LXN: variants seen among roughly 807,000 people sequenced by gnomAD.
LXN encodes the protein latexin.
A neutral mutation model predicts 29.8 loss-of-function variants in LXN; 28 were observed. The observed-to-expected ratio is 0.94, with a 90% CI of 0.70 to 1.29. The LOEUF (loss-of-function observed/expected upper bound fraction) is 1.29, where lower values mean the gene tolerates loss of function less well. LXN is among the 50% of genes most tolerant of loss of function. The pLI is 0.00. For missense variants in LXN, 227 were observed against 261.7 expected, an observed-to-expected ratio of 0.87 and a Z score of 0.92; for synonymous variants, 77 against 89.6, an observed-to-expected ratio of 0.86 and a Z score of 0.80.
At chr3:158,671,060 A>G (rs1279133312) in intron 1 of LXN, 41 bp from the exon 2 acceptor site, 1 of 1,471,598 alleles carries the variant, frequency 6.8e-7, no homozygotes. Flanking sequence ...AAAATATTAT[A>G]ACAACATTAT....
chr3:158,669,377 T>G, intron 3 of LXN, 56 bp downstream of exon 3: 32 of 1,504,014 alleles, frequency 2.1e-5, no homozygotes, highest in Non-Finnish European at 2.4e-5. Context: ...CACAGATAAT[T>G]GAGATTGATT....
rs374348254 is a variant in LXN, at chr3:158,670,242, A to C, written c.193-632T>G. ...TTGACAGTTGTGTATAATCTTTAAA[A>C]TTTCCCTTCCCCATTACTGAAAGAT... On this transcript the variant is annotated intron_variant, in intron 2 of 5. Transcript: ENST00000264265. Among the ~76,000 whole-genome samples the C allele has an allele frequency of 5.3e-5, 8 of 152,306 alleles. 1 individual carries two copies. Among genetic ancestry groups the C allele is most frequent in the East Asian group, 3.9e-4 (2 of 5,186 alleles).
In LXN at chr3:158,669,647, A is replaced by G. The variant is rs149185264; in HGVS notation, c.193-37T>C. On this transcript the variant is annotated intron_variant, in intron 2 of 5. Transcript: ENST00000264265. ...TTAGCAAAATATCCTTATATACAGA[A>G]GGCTATTCATTATTAATTATCATCT... 20 of 1,558,368 alleles carry G rather than the reference A, an allele frequency of 1.3e-5. No individual in the cohort carries two copies. The African/African-American group carries it at 2.7e-4, about 21-fold the overall frequency.
chr3:158,672,606 A>AGCTCCTTCAGTCT lies in LXN; in HGVS notation c.-129_-128insAGACTGAAGGAGC, dbSNP rs1560139496. The AGCTCCTTCAGTCT allele has an allele frequency of 1.1e-5, 12 of 1,116,754 alleles. No individual in the cohort carries two copies. The African/African-American group carries it at 1.9e-4, about 17-fold the overall frequency. The allele number at this position is 1,116,754 out of a possible 1,614,324, so 69.2% of individuals were successfully genotyped here. A position where few individuals can be genotyped will look rare whatever the true frequency, so the allele number is the denominator to read the frequency against. ...GGAAAAGTCGCAAGCTCCTTCAGTC[A>AGCTCCTTCAGTCT]GTCTTCTTCCTCAGCTCCTTCCGAC... On this transcript the variant is annotated 5_prime_UTR_variant, in exon 1 of 6. Coordinates refer to ENST00000264265, the MANE Select transcript of LXN (RefSeq NM_020169.4).
rs1417643374 is a variant in LXN at position 158,666,509 on chromosome 3, T to TATA, written c.*134_*136dup. 2.7e-6 allele frequency: 3 copies of TATA among 1,126,892 alleles called. No individual in the cohort carries two copies. The highest frequency in any genetic ancestry group is 4.0e-6 in the Non-Finnish European group (3 of 747,808). 69.8% of individuals were successfully genotyped at this position (1,126,892 alleles called of 1,614,324 possible). On this transcript the variant is annotated 3_prime_UTR_variant, in exon 6 of 6. Coordinates refer to ENST00000264265, the MANE Select transcript of LXN (RefSeq NM_020169.4). Reference sequence around the variant, plus strand: ...TAGTGATACTTTGTATTATGGACTCTATAAAGTTCTATACTGTAATCAAGA... The same window carrying TATA: ...TAGTGATACTTTGTATTATGGACTCTATAATAAAGTTCTATACTGTAATCAAGA...
chr3:158,667,341 G>C (rs959584261), intron 4 of LXN, among the ~76,000 whole-genome samples: 2 of 152,088 alleles, frequency 1.3e-5, no homozygotes, highest in African/African-American at 4.8e-5. Context: ...AAGTTGTGGT[G>C]GCTACTTAAG....
intron 5 of LXN, 50 bp downstream of exon 5, chr3:158,666,961 AG>A: frequency 6.4e-7 from 1 of 1,566,006 alleles, no homozygotes; most frequent in South Asian, 1.2e-5. Flanking sequence ...TGGCTATACA[AG>A]GAGTCTCAGT....
At chr3:158,671,087 G>A (rs926592825) in intron 1 of LXN, 68 bp from the exon 2 acceptor site, 1 of 1,379,384 alleles carries the variant, frequency 7.2e-7, no homozygotes. Context: ...ATTGTTAGAA[G>A]TATGCATCTC....
chr3:158,667,153 T>C, intron 4 of LXN, 79 bp from the exon 5 acceptor site: 4 of 1,351,902 alleles, frequency 3.0e-6, no homozygotes, highest in Non-Finnish European at 4.0e-6. Context: ...AAAATCATCT[T>C]TGATTAGATG....
chr3:158,668,928 A>G lies in LXN; in HGVS notation c.507+68T>C, dbSNP rs140797845. ...TGACTATAGGAATACTGTTAATCCAATTATGAATTACAATACTTTCGATAA... is the reference window on the plus strand; with the variant it reads ...TGACTATAGGAATACTGTTAATCCAGTTATGAATTACAATACTTTCGATAA... On this transcript the variant is annotated intron_variant, in intron 4 of 5. Coordinates refer to ENST00000264265, the MANE Select transcript of LXN (RefSeq NM_020169.4). The G allele has an allele frequency of 2.2e-5, 31 of 1,379,744 alleles. No individual in the cohort carries two copies. In the African/African-American group the frequency reaches 3.5e-4, roughly 16 times the overall value. 85.5% of individuals were successfully genotyped at this position (1,379,744 alleles called of 1,614,324 possible). A position where few individuals can be genotyped will look rare whatever the true frequency, so the allele number is the denominator to read the frequency against.
intron 5 of LXN, 122 bp downstream of exon 5, chr3:158,666,890 C>T: frequency 2.7e-6 from 4 of 1,469,336 alleles, no homozygotes; most frequent in Non-Finnish European, 2.8e-6. Context: ...ATACTTAAAT[C>T]TGGTGCCTAT....
chr3:158,669,539 G>T lies in LXN; in HGVS notation c.264C>A (p.Asn88Lys), dbSNP rs373201097. 3.1e-6 allele frequency: 5 copies of T among 1,613,954 alleles called. No individual in the cohort carries two copies. The highest frequency in any genetic ancestry group is 4.2e-6 in the Non-Finnish European group (5 of 1,179,886). Residue 88 changes from asparagine (N) to lysine (K), a missense_variant, in exon 3 of 6, where the codon AAC (asparagine) becomes AAA (lysine). Physicochemically the swap from Asn to Lys is moderately conservative, Grantham distance 94. Transcript: ENST00000264265. ...STGQETAPEV[N>K]FTFEGETGKN... ...TTCCAGTTTCTCCTTCAAATGTGAA[G>T]TTGACTTCTGGTGCAGTTTCTTGTC...
At chr3:158,668,855 G>T in intron 4 of LXN, 141 bp downstream of exon 4, 1 of 673,164 alleles carries the variant, frequency 1.5e-6, no homozygotes, top group Admixed American at 3.5e-5. Flanking sequence ...AATCTTGATT[G>T]TACCTGACCT....
At chr3:158,667,785 C>T (rs936600117) in intron 4 of LXN, among the ~76,000 whole-genome samples, 1 of 152,098 alleles carries the variant, frequency 6.6e-6, no homozygotes, top group Non-Finnish European at 1.5e-5. Context: ...GAAACCCTGT[C>T]TCAAAAACAG....
intron 2 of LXN, among the ~76,000 whole-genome samples, chr3:158,670,557 T>G (rs1021438110): frequency 2.0e-5 from 3 of 152,222 alleles, no homozygotes; most frequent in Admixed American, 2.0e-4. Flanking sequence ...AGTAAAGAAC[T>G]GATCCTTGTA....
At position 158,666,681 on chromosome 3, in the gene LXN, T is replaced by C. The variant is rs371092771; in HGVS notation, c.634A>G (p.Asn212Asp). The change falls in exon 6 of 6, where the codon AAT (asparagine) becomes GAT (aspartate). Residue 212 changes from asparagine (N) to aspartate (D), a missense_variant. Transcript: ENST00000264265. ...HPQYGTKVKH[N>D]SRLPKEVQLE is the part of the protein sequence containing the mutation. ...TGTACTTCCTTTGGCAGACGGCTAT[T>C]ATGTTTTACTTTAGTGCCGTATTGT... The C allele has an allele frequency of 5.6e-6, 9 of 1,613,922 alleles. No homozygotes were observed. The highest frequency in any genetic ancestry group is 4.4e-5 in the South Asian group (4 of 91,086).
rs898632685 is a variant in LXN at position 158,666,517 on chromosome 3, T to G, written c.*129A>C. 8.7e-7 allele frequency: 1 copy of G among 1,147,158 alleles called. No individual in the cohort carries two copies. The highest frequency in any genetic ancestry group is 1.5e-5 in the African/African-American group (1 of 65,082). 71.1% of individuals were successfully genotyped at this position (1,147,158 alleles called of 1,614,324 possible). A position where few individuals can be genotyped will look rare whatever the true frequency, so the allele number is the denominator to read the frequency against. On this transcript the variant is annotated 3_prime_UTR_variant, in exon 6 of 6. Coordinates refer to ENST00000264265, the MANE Select transcript of LXN (RefSeq NM_020169.4). Reference sequence around the variant, plus strand: ...CTTTGTATTATGGACTCTATAAAGTTCTATACTGTAATCAAGACATTTATA... The same window carrying G: ...CTTTGTATTATGGACTCTATAAAGTGCTATACTGTAATCAAGACATTTATA...
intron 4 of LXN, among the ~76,000 whole-genome samples, chr3:158,668,086 A>G (rs1208231074): frequency 1.3e-5 from 2 of 152,298 alleles, no homozygotes; most frequent in Admixed American, 6.5e-5. Context: ...GAGGATCTCT[A>G]TAGAGCAGAT....
chr3:158,666,780 C>G, intron 5 of LXN, 36 bp from the exon 6 acceptor site: 1 of 1,576,682 alleles, frequency 6.3e-7, no homozygotes, highest in Non-Finnish European at 8.7e-7. Flanking sequence ...TGATAAAATT[C>G]AGAAAACATT....
Sources: gnomAD v4.1 joint callset for allele counts (sites outside exome capture counted in the v4.1 genomes callset) on GRCh38, gnomAD v4.1.1 for gene constraint, MANE v1.5 for transcripts, NCBI Gene and HGNC (gene_info 2026-07-23, HGNC 2026-07-21) for gene names.